Variants in UACA observed in about 807,000 individuals in gnomAD.
The protein encoded by UACA is nuclear membrane binding protein.
A neutral mutation model predicts 160.5 loss-of-function variants in UACA; 112 were observed. The observed-to-expected ratio is 0.70, with a 90% CI of 0.60 to 0.82. The LOEUF (loss-of-function observed/expected upper bound fraction) is 0.82, where lower values mean the gene tolerates loss of function less well. Among genes scored for constraint, UACA ranks in the 40% least tolerant of loss-of-function variants. The probability of loss-of-function intolerance (pLI) is 0.00; values close to 1 mark genes in which losing one functional copy is unlikely to be tolerated. For synonymous variants in UACA, 557 were observed against 568.4 expected (o/e 0.98, Z 0.29); for missense variants, 1,574 against 1,614.6 (o/e 0.97, Z 0.43).
At chr15:70,741,715 CGTTA>C (rs1427813982) in intron 1 of UACA, among the ~76,000 whole-genome samples, 2 of 152,086 alleles carry the variant, frequency 1.3e-5, no homozygotes, top group African/African-American at 4.8e-5. Context: ...GTGATTAAAA[CGTTA>C]GTTTTAATAA....
At chr15:70,759,137 T>C (rs1286766453) in intron 1 of UACA, among the ~76,000 whole-genome samples, 1 of 152,182 alleles carries the variant, frequency 6.6e-6, no homozygotes, top group African/African-American at 2.4e-5. Flanking sequence ...TGGAATCCCC[T>C]TCTAAAATGT....
chr15:70,750,991 T>C (rs1164435260), intron 1 of UACA, among the ~76,000 whole-genome samples: 2 of 152,242 alleles, frequency 1.3e-5, no homozygotes, highest in African/African-American at 4.8e-5. Context: ...GTATTAAATG[T>C]CATTGAATCG....
At chr15:70,738,687 T>C (rs1899439716) in intron 1 of UACA, among the ~76,000 whole-genome samples, 1 of 152,154 alleles carries the variant, frequency 6.6e-6, no homozygotes, top group African/African-American at 2.4e-5. Flanking sequence ...ATTCCCTCTA[T>C]CTGGAATTAT....
chr15:70,662,943 T>C (rs928512148), intron 17 of UACA, among the ~76,000 whole-genome samples: 9 of 151,726 alleles, frequency 5.9e-5, no homozygotes, highest in East Asian at 1.9e-4. Context: ...ATTCAGGACA[T>C]AGGCATGGGC....
At position 70,687,465 on chromosome 15, in the gene UACA, G is replaced by A. The variant is rs1338060775; in HGVS notation, c.602+75C>T. 3.6e-6 allele frequency: 5 copies of A among 1,387,508 alleles called. No homozygotes were observed. The East Asian group carries it at 1.1e-4, about 32-fold the overall frequency. The allele number at this position is 1,387,508 out of a possible 1,614,324, so 85.9% of individuals were successfully genotyped here. A position where few individuals can be genotyped will look rare whatever the true frequency, so the allele number is the denominator to read the frequency against. On this transcript the variant is annotated intron_variant, in intron 7 of 18. Coordinates refer to ENST00000322954, the MANE Select transcript of UACA (RefSeq NM_018003.4). ...GAAAGAAAGGCCAAGTCAGAGAACA[G>A]AGCTGCTGCTTTGACTTGGCCTTTC...
chr15:70,718,355 TGTG>T, intron 1 of UACA, among the ~76,000 whole-genome samples: 1 of 148,594 alleles, frequency 6.7e-6, no homozygotes, highest in Non-Finnish European at 1.5e-5. Flanking sequence ...TGTGTGTGTG[TGTG>T]TGTGTGTGTG....
intron 1 of UACA, among the ~76,000 whole-genome samples, chr15:70,736,204 C>T (rs1899359697): frequency 2.0e-5 from 3 of 152,210 alleles, no homozygotes; most frequent in Middle Eastern, 6.8e-3. Context: ...CACTTAAAAA[C>T]AAGTTTGAAT....
intron 1 of UACA, among the ~76,000 whole-genome samples, chr15:70,757,270 T>C (rs891135674): frequency 2.0e-5 from 3 of 152,212 alleles, no homozygotes; most frequent in African/African-American, 7.2e-5. Flanking sequence ...AACAAAATCA[T>C]GGTTATAGCT....
intron 1 of UACA, among the ~76,000 whole-genome samples, chr15:70,705,517 C>T (rs1226831595): frequency 6.6e-6 from 1 of 151,894 alleles, no homozygotes; most frequent in African/African-American, 2.4e-5. Context: ...ACTTGGGCAA[C>T]AAGAGCGAAA....
At chr15:70,658,106 T>A (rs1896548877) in intron 18 of UACA, among the ~76,000 whole-genome samples, 1 of 152,080 alleles carries the variant, frequency 6.6e-6, no homozygotes, top group African/African-American at 2.4e-5. Flanking sequence ...ATTTAAAATT[T>A]AAGTAATTGA....
chr15:70,662,997 C>G (rs1372156885), intron 17 of UACA, among the ~76,000 whole-genome samples: 1 of 151,336 alleles, frequency 6.6e-6, no homozygotes. Flanking sequence ...GCAACAAAAG[C>G]CAAAATTGAC....
At chr15:70,674,798 A>T (rs1897257766) in intron 13 of UACA, among the ~76,000 whole-genome samples, 1 of 152,132 alleles carries the variant, frequency 6.6e-6, no homozygotes, top group African/African-American at 2.4e-5. Context: ...GAGTTTTGCC[A>T]TGTTGGCCAG....
In UACA at chr15:70,763,327, C is replaced by A; in HGVS notation, c.78+3G>T. 1 of 1,334,626 alleles carries A rather than the reference C, an allele frequency of 7.5e-7. No homozygotes were observed. The highest frequency in any genetic ancestry group is 9.6e-7 in the Non-Finnish European group (1 of 1,037,268). 82.7% of individuals were successfully genotyped at this position (1,334,626 alleles called of 1,614,324 possible). A position where few individuals can be genotyped will look rare whatever the true frequency, so the allele number is the denominator to read the frequency against. ...GCCTCGCAGCCCGGACCGCGGGACT[C>A]ACCGCGCTGGCGGCGGCGGCGCCAG... On this transcript the variant is annotated splice_donor_region_variant and intron_variant, in intron 1 of 18. Transcript: ENST00000322954.
intron 1 of UACA, among the ~76,000 whole-genome samples, chr15:70,709,577 C>T (rs1310285464): frequency 6.6e-6 from 1 of 151,848 alleles, no homozygotes; most frequent in Non-Finnish European, 1.5e-5. Context: ...AAAGAGATAC[C>T]CCATAATTCC....
chr15:70,771,045 TACA>T, the UACA span, among the ~76,000 whole-genome samples: 1 of 152,224 alleles, frequency 6.6e-6, no homozygotes, highest in African/African-American at 2.4e-5. Flanking sequence ...CATTCAATAC[TACA>T]TGACTCCAAG....
chr15:70,666,926 T>G lies in UACA; in HGVS notation c.3758A>C (p.Lys1253Thr), dbSNP rs201992560. 2.4e-4 allele frequency: 382 copies of G among 1,612,826 alleles called. 3 individuals are homozygous for G. In the Middle Eastern group the frequency reaches 4.3e-3, roughly 18 times the overall value. Residue 1253 changes from lysine (K) to threonine (T), a missense_variant, in exon 16 of 19, where the codon AAG becomes ACG. Lys to Thr is a moderately conservative substitution (Grantham distance 78, BLOSUM62 -1). Transcript: ENST00000322954. The part of the protein sequence containing the change: ...LNEKLANLNR[K>T]YEEVCEEVLH... ...AACTTCCTCACATACTTCCTCATAC[T>G]TTCTATTCAGATTGGCCAATTTTTC...
the UACA span, among the ~76,000 whole-genome samples, chr15:70,778,325 A>C: frequency 1.3e-5 from 2 of 152,252 alleles, no homozygotes; most frequent in East Asian, 3.8e-4. Context: ...TTAGCAGCTT[A>C]AAACAACACA....
intron 1 of UACA, among the ~76,000 whole-genome samples, chr15:70,748,781 T>A (rs1175025624): frequency 2.0e-5 from 3 of 152,194 alleles, no homozygotes. Context: ...TGTACTGATA[T>A]TTAAGTGTTT....
At chr15:70,698,247 A>G (rs1166297308) in intron 2 of UACA, among the ~76,000 whole-genome samples, 1 of 152,176 alleles carries the variant, frequency 6.6e-6, no homozygotes. Context: ...CACTCAAAAC[A>G]TTCGAAGTAT....
Sources: gnomAD v4.1 joint callset for allele counts (sites outside exome capture counted in the v4.1 genomes callset) on GRCh38, gnomAD v4.1.1 for gene constraint, MANE v1.5 for transcripts, NCBI Gene and HGNC (gene_info 2026-07-23, HGNC 2026-07-21) for gene names.